Variants in RNF150 observed in about 807,000 individuals in gnomAD.
RNF150 encodes the protein ring finger protein 150.
Under a neutral mutation model 39.3 loss-of-function variants are expected in RNF150, and 24 were observed. The observed-to-expected ratio is 0.61, with a 90% CI of 0.44 to 0.86. The LOEUF is 0.86. Ranked by LOEUF, RNF150 falls within the 40% of genes least tolerant of loss-of-function variation. RNF150 has a pLI of 0.00. For synonymous variants in RNF150, 255 were observed against 227.3 expected (o/e 1.12, Z -1.10); for missense variants, 502 against 587.8 (o/e 0.85, Z 1.51).
At position 140,894,934 on chromosome 4, in the gene RNF150, G is replaced by C. The variant is rs149231283; in HGVS notation, c.1198+16210C>G. ...GCTCATCTGGGGCTGAGCTGCCTGA[G>C]TCTCCATGGATACCAAGGGAGCATC... is the stretch of plus-strand genomic sequence containing the variant. On this transcript the variant is annotated intron_variant, in intron 6 of 6. Coordinates refer to ENST00000515673, the MANE Select transcript of RNF150 (RefSeq NM_020724.2). Among the ~76,000 whole-genome samples, 946 of 152,276 alleles carry C rather than the reference G, an allele frequency of 6.2e-3. 14 individuals carry two copies. The highest frequency in any genetic ancestry group is 0.022 in the African/African-American group (918 of 41,576).
intron 2 of RNF150, 144 bp downstream of exon 2, chr4:140,967,479 G>C: frequency 1.6e-6 from 1 of 645,050 alleles, no homozygotes; most frequent in Non-Finnish European, 2.6e-6. Flanking sequence ...GATAATATCT[G>C]AAAAATGATA....
chr4:140,905,909 A>G (rs996834626), intron 6 of RNF150, among the ~76,000 whole-genome samples: 6 of 152,124 alleles, frequency 3.9e-5, no homozygotes, highest in Non-Finnish European at 7.4e-5. Flanking sequence ...GGTCCTACCC[A>G]AAAGGGGTTC....
intron 1 of RNF150, among the ~76,000 whole-genome samples, chr4:141,025,184 T>C (rs1283317750): frequency 6.6e-6 from 1 of 152,048 alleles, no homozygotes; most frequent in African/African-American, 2.4e-5. Flanking sequence ...ACACCTAAAA[T>C]ACTAAAGTCG....
intron 1 of RNF150, among the ~76,000 whole-genome samples, chr4:141,097,710 A>G (rs1314897554): frequency 1.3e-5 from 2 of 151,392 alleles, no homozygotes; most frequent in Non-Finnish European, 2.9e-5. Context: ...TTTTCCTTTC[A>G]TTTTTTGAAC....
intron 1 of RNF150, among the ~76,000 whole-genome samples, chr4:141,024,346 A>G (rs935052049): frequency 3.9e-5 from 6 of 152,146 alleles, no homozygotes; most frequent in African/African-American, 1.4e-4. Context: ...TAAAATTCCT[A>G]TCTGTGGGTC....
chr4:140,926,139 C>G (rs775409601), intron 4 of RNF150, 66 bp from the exon 5 acceptor site: 1 of 1,147,474 alleles, frequency 8.7e-7, no homozygotes, highest in Admixed American at 1.8e-5. Flanking sequence ...CACCATGGCC[C>G]AGGGACTCGT....
At chr4:141,049,385 A>G (rs566384519) in intron 1 of RNF150, among the ~76,000 whole-genome samples, 2 of 152,190 alleles carry the variant, frequency 1.3e-5, no homozygotes, top group Non-Finnish European at 2.9e-5. Flanking sequence ...ATTAATGTCA[A>G]AAAGCTTAGG....
intron 1 of RNF150, among the ~76,000 whole-genome samples, chr4:141,002,336 C>A (rs911527660): frequency 6.6e-6 from 1 of 151,978 alleles, no homozygotes; most frequent in Middle Eastern, 3.2e-3. Flanking sequence ...TGGCTCCTAC[C>A]AGAGTTCTAT....
intron 1 of RNF150, among the ~76,000 whole-genome samples, chr4:141,197,070 T>A (rs983400171): frequency 6.6e-6 from 1 of 152,232 alleles, no homozygotes; most frequent in African/African-American, 2.4e-5. Context: ...TTAACAATTT[T>A]TTTTTTACTC....
At chr4:140,899,980 G>C (rs939349919) in intron 6 of RNF150, among the ~76,000 whole-genome samples, 2,113 of 46,832 alleles carry the variant, frequency 0.045, 58 homozygotes, top group African/African-American at 0.12. Flanking sequence ...CTCTCTGTGT[G>C]TGTGTGTGTG....
Position 141,034,552 on chromosome 4 carries a change from C to T in RNF150, c.485-66679G>A, listed in dbSNP as rs539930646. Among the ~76,000 whole-genome samples the T allele has an allele frequency of 3.3e-5, 5 of 152,286 alleles. No homozygotes were observed. The South Asian group carries it at 1.0e-3, about 32-fold the overall frequency. ...TGTTTGGTTTAAGAGGCCTAGTTTT[C>T]AGCCCATTTCGGCTTTTGACTACAC... On this transcript the variant is annotated intron_variant, in intron 1 of 6. Transcript: ENST00000515673.
chr4:141,134,733 A>G (rs1726998461), upstream of RNF150, among the ~76,000 whole-genome samples: 1 of 152,212 alleles, frequency 6.6e-6, no homozygotes, highest in Non-Finnish European at 1.5e-5. Flanking sequence ...GCTTCTAGGC[A>G]ATTGGGACAG....
chr4:141,166,921 A>G (rs1244319995), intron 1 of RNF150, among the ~76,000 whole-genome samples: 1 of 152,152 alleles, frequency 6.6e-6, no homozygotes, highest in African/African-American at 2.4e-5. Flanking sequence ...CCTATTAAAC[A>G]TAGTATTGGA....
intron 1 of RNF150, among the ~76,000 whole-genome samples, chr4:141,098,457 G>A (rs868432466): frequency 3.3e-5 from 5 of 152,234 alleles, no homozygotes; most frequent in South Asian, 2.1e-4. Context: ...GGTGTGGTGG[G>A]TGTTTGCCTC....
chr4:140,941,312 G>A (rs1280062642), intron 4 of RNF150, among the ~76,000 whole-genome samples: 1 of 152,104 alleles, frequency 6.6e-6, no homozygotes, highest in Non-Finnish European at 1.5e-5. Context: ...TGCAAAATCC[G>A]AATGAGACAC....
chr4:140,994,503 T>A (rs1405893480), intron 1 of RNF150, among the ~76,000 whole-genome samples: 4 of 151,932 alleles, frequency 2.6e-5, no homozygotes, highest in Non-Finnish European at 5.9e-5. Context: ...CACACACCAC[T>A]GCCTATTTAA....
intron 1 of RNF150, among the ~76,000 whole-genome samples, chr4:140,999,189 T>A (rs907249647): frequency 6.6e-6 from 1 of 152,190 alleles, no homozygotes; most frequent in African/African-American, 2.4e-5. Flanking sequence ...CAGACAAAAC[T>A]ATGACAACTC....
intron 1 of RNF150, among the ~76,000 whole-genome samples, chr4:141,082,651 G>C (rs1406841262): frequency 6.6e-6 from 1 of 150,786 alleles, no homozygotes; most frequent in Admixed American, 6.6e-5. Context: ...TGCAGTGGCG[G>C]GATCTCGGCT....
At chr4:140,871,805 A>G (rs576811713) in intron 6 of RNF150, among the ~76,000 whole-genome samples, 2 of 152,294 alleles carry the variant, frequency 1.3e-5, no homozygotes, top group South Asian at 4.1e-4. Context: ...TCTAAATGGG[A>G]GTGTGTGAAC....
Sources: allele counts gnomAD v4.1 joint callset (sites outside exome capture counted in the v4.1 genomes callset), GRCh38; gene constraint gnomAD v4.1.1; transcripts MANE v1.5; gene names NCBI Gene and HGNC (gene_info 2026-07-23, HGNC 2026-07-21).